RNF213: variants seen among roughly 807,000 people sequenced by gnomAD.
RNF213 encodes the protein ring finger protein 213.
A neutral mutation model predicts 514.4 loss-of-function variants in RNF213; 341 were observed. That is an observed-to-expected ratio of 0.66 (90% CI 0.61 to 0.73). RNF213 has a LOEUF of 0.73. Among genes scored for constraint, RNF213 ranks in the 30% least tolerant of loss-of-function variants. RNF213 has a pLI of 0.00. For synonymous variants in RNF213, 2,655 were observed against 2,658.2 expected (o/e 1.00, Z 0.04); for missense variants, 5,767 against 6,615.6 (o/e 0.87, Z 4.45).
Position 80,336,155 on chromosome 17 carries a change from C to T in RNF213, c.4310-6C>T, listed in dbSNP as rs1177857095. 7.8e-6 allele frequency: 12 copies of T among 1,536,432 alleles called. No individual in the cohort carries two copies. The highest frequency in any genetic ancestry group is 2.7e-5 in the African/African-American group (2 of 73,022). On this transcript the variant is annotated splice_region_variant and splice_polypyrimidine_tract_variant and intron_variant, in intron 22 of 67. Transcript: ENST00000582970. ...CCACGCTGAACTCCCCTCTTCTCTTCCCCAGGCATCAATGAGCTGAAGGTG... is the reference window on the plus strand; with the variant it reads ...CCACGCTGAACTCCCCTCTTCTCTTTCCCAGGCATCAATGAGCTGAAGGTG...
chr17:80,386,198 C>T (rs1213879732), intron 61 of RNF213, 52 bp from the exon 62 acceptor site: 1 of 1,559,914 alleles, frequency 6.4e-7, no homozygotes, highest in African/African-American at 1.3e-5. Context: ...CGCCTAGATT[C>T]TGTGAGGAGT....
At chr17:80,333,756 C>T (rs915308660) in intron 21 of RNF213, 15 of 231,030 alleles carry the variant, frequency 6.5e-5, no homozygotes, top group Non-Finnish European at 1.0e-4. Context: ...CCCTAGTGCA[C>T]GTCCTCGAGG....
intron 26 of RNF213, among the ~76,000 whole-genome samples, 169 bp from the exon 27 acceptor site, chr17:80,342,963 G>A (rs991175173): frequency 2.0e-5 from 3 of 151,224 alleles, no homozygotes; most frequent in African/African-American, 7.3e-5. Flanking sequence ...CTGCCACCAC[G>A]CCTGGCTAAT....
At chr17:80,362,207 C>T (rs549771456) in intron 39 of RNF213, among the ~76,000 whole-genome samples, 1 of 152,232 alleles carries the variant, frequency 6.6e-6, no homozygotes, top group African/African-American at 2.4e-5. Flanking sequence ...ACGTAACTAA[C>T]CCTACAGGGT....
At chr17:80,334,863 T>A (rs2077941088) in intron 22 of RNF213, among the ~76,000 whole-genome samples, 1 of 150,654 alleles carries the variant, frequency 6.6e-6, no homozygotes, top group Non-Finnish European at 1.5e-5. Context: ...CCTGACCTCG[T>A]GATCAGCCCG....
chr17:80,376,305 G>T lies in RNF213; in HGVS notation c.13190G>T (p.Cys4397Phe). 6.2e-7 allele frequency: 1 copy of T among 1,614,196 alleles called. No individual in the cohort carries two copies. Among genetic ancestry groups the T allele is most frequent in the Middle Eastern group, 1.6e-4 (1 of 6,062 alleles). Residue 4397 changes from cysteine to phenylalanine, a missense_variant, in exon 52 of 68, where the codon TGT (cysteine) becomes TTT (phenylalanine). Cys to Phe is a radical substitution (Grantham distance 205). This residue lies in a region of RNF213 where 1,245 missense variants were observed against 1,339.0 expected (regional missense o/e 0.93). Transcript: ENST00000582970. ...GTTAAGTTTTTTTCCTGTCAGCAAT[G>T]TGAAGCTGTGAGCAAATTCATTGGC... ...NASLHPTPEQ[C>F]EAVSKFIGEC...
At chr17:80,269,037 G>C (rs60966402) in intron 2 of RNF213, among the ~76,000 whole-genome samples, 21,177 of 152,138 alleles carry the variant, frequency 0.14, 2,564 homozygotes, top group East Asian at 0.32. Flanking sequence ...AACCTGAAGT[G>C]TGATGTCCAA....
intron 18 of RNF213, 98 bp from the exon 19 acceptor site, chr17:80,327,718 G>A (rs141934186): frequency 6.8e-6 from 7 of 1,031,342 alleles, no homozygotes; most frequent in Non-Finnish European, 8.3e-6. Flanking sequence ...TTGAGGAAGT[G>A]GGGGCAGAAC....
Position 80,290,431 on chromosome 17 carries a change from G to A in RNF213, c.1113-139G>A, listed in dbSNP as rs564159596. ...TGTGTGTGCGTGTGTGCGAGTGTGC[G>A]CGTGTGTGCATGTGTGTGTGCGAGT... On this transcript the variant is annotated intron_variant, in intron 6 of 67. Transcript: ENST00000582970. The A allele has an allele frequency of 3.2e-4, 319 of 993,584 alleles. 1 individual carries two copies. The South Asian group carries it at 3.7e-3, about 11-fold the overall frequency. The allele number at this position is 993,584 out of a possible 1,614,324, so 61.5% of individuals were successfully genotyped here.
chr17:80,266,863 T>C (rs190182794), intron 2 of RNF213, among the ~76,000 whole-genome samples: 16 of 152,266 alleles, frequency 1.1e-4, no homozygotes, highest in African/African-American at 2.9e-4. Context: ...GAGGAAGGCA[T>C]GTTGAAAGCT....
intron 31 of RNF213, 140 bp from the exon 32 acceptor site, chr17:80,351,545 C>T (rs1327967454): frequency 1.6e-5 from 10 of 611,774 alleles, no homozygotes; most frequent in East Asian, 8.7e-5. Context: ...TAAAACTCAT[C>T]GGAACGGGTG....
At chr17:80,291,928 G>T in intron 8 of RNF213, 101 bp downstream of exon 8, 1 of 1,289,620 alleles carries the variant, frequency 7.8e-7, no homozygotes. Context: ...CTTTGCCTGG[G>T]CAGTGAGGTC....
chr17:80,363,040 C>T (rs941126132), intron 39 of RNF213, 62 bp from the exon 40 acceptor site: 18 of 1,433,994 alleles, frequency 1.3e-5, no homozygotes, highest in Non-Finnish European at 1.5e-5. Context: ...GGATTTCCCA[C>T]GGGGAAAACA....
At chr17:80,365,836 T>C (rs1363342365) in intron 42 of RNF213, among the ~76,000 whole-genome samples, 1 of 152,156 alleles carries the variant, frequency 6.6e-6, no homozygotes, top group Non-Finnish European at 1.5e-5. Flanking sequence ...AGGTCCAGCG[T>C]GGGTCATAAG....
In RNF213 at chr17:80,386,756, G is replaced by A; in HGVS notation, c.14787G>A (p.Leu4929=). 1.9e-6 allele frequency: 3 copies of A among 1,614,168 alleles called. No homozygotes were observed. The highest frequency in any genetic ancestry group is 2.5e-6 in the Non-Finnish European group (3 of 1,179,984). Residue 4929 remains leucine (L), a synonymous_variant, in exon 63 of 68, where the codon CTG becomes CTA. Coordinates refer to ENST00000582970, the MANE Select transcript of RNF213 (RefSeq NM_001256071.3). Reference sequence around the variant, plus strand: ...TCAGTTATGAAGTGGAGCGGGACCTGACTCCACTGATTCTCTCCAACTGCC... The same window carrying A: ...TCAGTTATGAAGTGGAGCGGGACCTAACTCCACTGATTCTCTCCAACTGCC... ...HVISYEVERD[L]TPLILSNCQY...
Position 80,264,924 on chromosome 17 carries a change from C to A in RNF213, c.97+1146C>A, listed in dbSNP as rs774793193. 6.6e-6 allele frequency among the ~76,000 whole-genome samples: 1 copy of A among 152,178 alleles called. No individual in the cohort carries two copies. The highest frequency in any genetic ancestry group is 1.5e-5 in the Non-Finnish European group (1 of 68,034). ...ACCGCAGGGCCTTTGCACCACCCTT[C>A]CCCAGAGGGCGGCCTGGCTCCCTCC... On this transcript the variant is annotated intron_variant, in intron 2 of 67. Transcript: ENST00000582970. The surrounding 1 kb of genome is among the most constrained non-coding windows in gnomAD (Gnocchi z 5.0).
At position 80,343,188 on chromosome 17, in the gene RNF213, A is replaced by G; in HGVS notation, c.6046A>G (p.Lys2016Glu). Reference sequence around the variant, plus strand: ...CAAAATGAAGATGCAGTTAAACGTGAAAAATGTGCCTCTGAAAACAATTCG... The same window carrying G: ...CAAAATGAAGATGCAGTTAAACGTGGAAAATGTGCCTCTGAAAACAATTCG... ...HDKMKMQLNV[K>E]NVPLKTIRLI... is the part of the protein sequence containing the mutation. Residue 2016 changes from lysine (K) to glutamate (E), a missense_variant, in exon 27 of 68, where the codon AAA becomes GAA. By Grantham distance (56) the Lys-to-Glu change is moderately conservative. This residue lies in a region of RNF213 where 1,377 missense variants were observed against 1,635.2 expected (regional missense o/e 0.84). Coordinates refer to ENST00000582970, the MANE Select transcript of RNF213 (RefSeq NM_001256071.3). The surrounding 1 kb of genome is among the most constrained non-coding windows in gnomAD (Gnocchi z 4.3). 1 of 1,613,932 alleles carries G rather than the reference A, an allele frequency of 6.2e-7. No individual in the cohort carries two copies. The highest frequency in any genetic ancestry group is 8.5e-7 in the Non-Finnish European group (1 of 1,179,828).
At chr17:80,325,346 C>G in intron 18 of RNF213, 148 bp downstream of exon 18, 1 of 758,372 alleles carries the variant, frequency 1.3e-6, no homozygotes, top group Non-Finnish European at 2.0e-6. Flanking sequence ...ACAGAGAGAC[C>G]CTGGAAGGCT....
At chr17:80,356,025 G>T (rs1408041770) in intron 36 of RNF213, among the ~76,000 whole-genome samples, 1 of 145,266 alleles carries the variant, frequency 6.9e-6, no homozygotes, top group African/African-American at 2.6e-5. Context: ...TTTTTGAGAC[G>T]GAGTCTCACT....
Sources: allele counts gnomAD v4.1 joint callset (sites outside exome capture counted in the v4.1 genomes callset), GRCh38; gene constraint gnomAD v4.1.1; regional missense constraint gnomAD v4.1.1; non-coding constraint Gnocchi (gnomAD v3.1); transcripts MANE v1.5; gene names NCBI Gene and HGNC (gene_info 2026-07-23, HGNC 2026-07-21).